Variants in TSPAN18 observed in about 807,000 individuals in gnomAD.
TSPAN18 encodes the protein tetraspanin 18.
Under a neutral mutation model 27.3 loss-of-function variants are expected in TSPAN18, and 14 were observed. The observed-to-expected ratio is 0.51, with a 90% confidence interval of 0.34 to 0.80. The LOEUF is 0.80. TSPAN18 is among the 30% of genes least tolerant of loss of function. TSPAN18 has a pLI of 0.01. For synonymous variants in TSPAN18, 143 were observed against 136.5 expected (o/e 1.05, Z -0.33); for missense variants, 268 against 323.9 (o/e 0.83, Z 1.32).
chr11:44,916,713 C>G (rs1565004861), intron 5 of TSPAN18, among the ~76,000 whole-genome samples: 1 of 152,174 alleles, frequency 6.6e-6, no homozygotes, highest in Non-Finnish European at 1.5e-5. Flanking sequence ...TTGCCTCCTT[C>G]CAGCCTGGCA....
intron 5 of TSPAN18, among the ~76,000 whole-genome samples, chr11:44,910,221 C>T (rs577058713): frequency 6.6e-6 from 1 of 152,338 alleles, no homozygotes; most frequent in South Asian, 2.1e-4. Context: ...CTGTTTTCTC[C>T]CTGGGGTAGC....
intron 3 of TSPAN18, among the ~76,000 whole-genome samples, chr11:44,876,495 A>G (rs1470407127): frequency 1.3e-5 from 2 of 152,140 alleles, no homozygotes; most frequent in Non-Finnish European, 2.9e-5. Context: ...TAGGCTGGAG[A>G]AATCAGGGAA....
At chr11:44,899,381 T>C (rs1042349623) in intron 3 of TSPAN18, among the ~76,000 whole-genome samples, 1 of 152,088 alleles carries the variant, frequency 6.6e-6, no homozygotes, top group African/African-American at 2.4e-5. Context: ...TGGTGAGAGG[T>C]TGATGTCTGA....
At chr11:44,743,771 T>C (rs1465882250) in intron 1 of TSPAN18, among the ~76,000 whole-genome samples, 2 of 152,158 alleles carry the variant, frequency 1.3e-5, no homozygotes, top group Non-Finnish European at 2.9e-5. Context: ...TGGATGGGCA[T>C]GCCAGGTGCC....
rs537463203 is a variant in TSPAN18, at chr11:44,920,919, G to T, written c.615+920G>T. ...TTCACATGGTCATGATTGCTGCGAA[G>T]AAATAAAACCAGATGAGGGGCTAGA... On this transcript the variant is annotated intron_variant, in intron 8 of 9. Coordinates refer to ENST00000520358, the MANE Select transcript of TSPAN18 (RefSeq NM_130783.5). Among the ~76,000 whole-genome samples, 11 of 152,340 alleles carry T rather than the reference G, an allele frequency of 7.2e-5. No homozygotes were observed. The East Asian group carries it at 2.1e-3, about 29-fold the overall frequency.
intron 1 of TSPAN18, among the ~76,000 whole-genome samples, chr11:44,745,172 A>C (rs920021581): frequency 6.6e-6 from 1 of 152,218 alleles, no homozygotes; most frequent in African/African-American, 2.4e-5. Flanking sequence ...ATGCGTGGGC[A>C]TCTTTCTTCT....
rs187296487 is a variant in TSPAN18 at position 44,755,614 on chromosome 11, C to T, written c.-239-8812C>T. 1.5e-4 allele frequency among the ~76,000 whole-genome samples: 23 copies of T among 152,178 alleles called. 1 individual carries two copies. In the East Asian group the frequency reaches 4.1e-3, roughly 27 times the overall value. ...TCTCCCCTGCCCCCACACCAACCCC[C>T]TATGTAGCTAATTTAAAACAAAGCA... On this transcript the variant is annotated intron_variant, in intron 1 of 9. Coordinates refer to ENST00000520358, the MANE Select transcript of TSPAN18 (RefSeq NM_130783.5).
At chr11:44,923,937 G>T (rs1349844956) in intron 8 of TSPAN18, among the ~76,000 whole-genome samples, 1 of 152,154 alleles carries the variant, frequency 6.6e-6, no homozygotes, top group African/African-American at 2.4e-5. Flanking sequence ...GCCTGATAGG[G>T]GAAGATGAGC....
At chr11:44,767,462 C>T (rs919340890) in intron 2 of TSPAN18, among the ~76,000 whole-genome samples, 1 of 152,206 alleles carries the variant, frequency 6.6e-6, no homozygotes, top group Admixed American at 6.5e-5. Context: ...GCCCTCTGTG[C>T]CCATGGTGGC....
intron 2 of TSPAN18, among the ~76,000 whole-genome samples, chr11:44,848,098 A>C (rs895021265): frequency 6.6e-6 from 1 of 152,134 alleles, no homozygotes; most frequent in African/African-American, 2.4e-5. Context: ...AGCTTCCCAA[A>C]GTGCTGGGAT....
At chr11:44,774,501 G>C (rs1231467902) in intron 2 of TSPAN18, among the ~76,000 whole-genome samples, 1 of 152,214 alleles carries the variant, frequency 6.6e-6, no homozygotes, top group Non-Finnish European at 1.5e-5. Flanking sequence ...ATTCAGGAGA[G>C]GTAGCAAGGA....
intron 4 of TSPAN18, among the ~76,000 whole-genome samples, chr11:44,908,160 G>A (rs1269539767): frequency 6.6e-6 from 1 of 151,878 alleles, no homozygotes; most frequent in Non-Finnish European, 1.5e-5. Context: ...CCCCTGCTGG[G>A]TCCTTCAGGC....
chr11:44,906,322 C>A, intron 3 of TSPAN18, 85 bp from the exon 4 acceptor site: 1 of 1,218,266 alleles, frequency 8.2e-7, no homozygotes, highest in Non-Finnish European at 1.2e-6. Context: ...GTGGGGCTGG[C>A]TGCGGGGAAC....
Position 44,930,962 on chromosome 11 carries a change from C to A in TSPAN18, c.*1784C>A. 2.0e-6 allele frequency: 1 copy of A among 499,450 alleles called. No individual in the cohort carries two copies. The allele number at this position is 499,450 out of a possible 1,614,324, so 30.9% of individuals were successfully genotyped here. ...TCACCAGGGACACTCGGAGCCACAGCCTAGAGCCCCGTGTTCCCTGGCCTG... is the reference window on the plus strand; with the variant it reads ...TCACCAGGGACACTCGGAGCCACAGACTAGAGCCCCGTGTTCCCTGGCCTG... On this transcript the variant is annotated 3_prime_UTR_variant, in exon 10 of 10. Coordinates refer to ENST00000520358, the MANE Select transcript of TSPAN18 (RefSeq NM_130783.5).
intron 2 of TSPAN18, among the ~76,000 whole-genome samples, chr11:44,820,396 C>G (rs1047440125): frequency 2.0e-5 from 3 of 152,230 alleles, no homozygotes; most frequent in Non-Finnish European, 4.4e-5. Context: ...GTCCAGTCAT[C>G]TGTGGCAAGT....
chr11:44,915,511 G>A (rs1364428566), intron 5 of TSPAN18, among the ~76,000 whole-genome samples: 1 of 152,190 alleles, frequency 6.6e-6, no homozygotes, highest in African/African-American at 2.4e-5. Context: ...CCTGACCTCA[G>A]CTGGAGGTCA....
At chr11:44,859,084 G>C (rs776545861) in intron 2 of TSPAN18, among the ~76,000 whole-genome samples, 15 of 152,154 alleles carry the variant, frequency 9.9e-5, no homozygotes, top group Non-Finnish European at 1.6e-4. Flanking sequence ...CTTGGTGATG[G>C]GGGGTAAGGA....
At chr11:44,921,406 G>C (rs1217637441) in intron 8 of TSPAN18, among the ~76,000 whole-genome samples, 2 of 152,134 alleles carry the variant, frequency 1.3e-5, no homozygotes, top group Non-Finnish European at 2.9e-5. Flanking sequence ...TACTCTCTTG[G>C]GAAGGGAATG....
At chr11:44,758,351 A>G (rs1344504088) in intron 1 of TSPAN18, among the ~76,000 whole-genome samples, 1 of 152,154 alleles carries the variant, frequency 6.6e-6, no homozygotes, top group Non-Finnish European at 1.5e-5. Flanking sequence ...GTGGAGTATT[A>G]CCTTGATTTT....
Sources: gnomAD v4.1 joint callset for allele counts (sites outside exome capture counted in the v4.1 genomes callset) on GRCh38, gnomAD v4.1.1 for gene constraint, MANE v1.5 for transcripts, NCBI Gene and HGNC (gene_info 2026-07-23, HGNC 2026-07-21) for gene names.